Variants in STOML3 observed in about 807,000 individuals in gnomAD.
STOML3 encodes the protein stomatin-like protein 3.
A neutral mutation model predicts 29.5 loss-of-function variants in STOML3; 31 were observed. The ratio of observed to expected loss-of-function variants is 1.05; its 90% CI spans 0.79 to 1.42. STOML3 has a LOEUF of 1.42. Ranked by LOEUF, STOML3 falls within the 40% of genes most tolerant of loss-of-function variation. STOML3 has a pLI of 0.00. For synonymous variants in STOML3, 122 were observed against 139.8 expected, an observed-to-expected ratio of 0.87 and a Z score of 0.90; for missense variants, 380 against 363.0, an observed-to-expected ratio of 1.05 and a Z score of -0.38.
intron 1 of STOML3, among the ~76,000 whole-genome samples, chr13:38,985,378 G>A (rs1272362057): frequency 3.3e-5 from 5 of 152,036 alleles, no homozygotes; most frequent in Admixed American, 3.3e-4. Context: ...AGCCGAGATC[G>A]CGCTACTGCA....
At chr13:38,990,009 T>A (rs1411555000) in intron 1 of STOML3, among the ~76,000 whole-genome samples, 2 of 152,124 alleles carry the variant, frequency 1.3e-5, no homozygotes, top group Non-Finnish European at 2.9e-5. Context: ...TTTTCTCATT[T>A]GTAAAATGAG....
At chr13:38,976,321 G>C (rs1322308338) in intron 3 of STOML3, among the ~76,000 whole-genome samples, 1 of 152,172 alleles carries the variant, frequency 6.6e-6, no homozygotes, top group Non-Finnish European at 1.5e-5. Flanking sequence ...GGGAGACTTA[G>C]GAGGCCGGGC....
At chr13:38,978,197 A>G (rs1159905807) in intron 1 of STOML3, among the ~76,000 whole-genome samples, 1 of 152,034 alleles carries the variant, frequency 6.6e-6, no homozygotes, top group Non-Finnish European at 1.5e-5. Flanking sequence ...TCTGTCGCCC[A>G]GGCTGGAGTG....
intron 4 of STOML3, among the ~76,000 whole-genome samples, chr13:38,971,131 C>A (rs989494037): frequency 6.6e-6 from 1 of 152,110 alleles, no homozygotes; most frequent in African/African-American, 2.4e-5. Flanking sequence ...CTCCCAGGTG[C>A]AAGTGACTCT....
At chr13:38,976,006 G>C (rs1045204933) in intron 3 of STOML3, among the ~76,000 whole-genome samples, 1 of 152,048 alleles carries the variant, frequency 6.6e-6, no homozygotes. Context: ...TTGGCCTCAT[G>C]TTCTTTGTTT....
In STOML3 at chr13:38,970,404, A is replaced by G. The variant is rs1880820475; in HGVS notation, c.313-16T>C. 6.2e-7 allele frequency: 1 copy of G among 1,608,118 alleles called. No individual in the cohort carries two copies. Among genetic ancestry groups the G allele is most frequent in the African/African-American group, 1.3e-5 (1 of 74,864 alleles). ...TGGTGAGGATCTGTGGAGTAAGAAC[A>G]GGGCAAAATCACTTATTTATGACTT... On this transcript the variant is annotated splice_polypyrimidine_tract_variant and intron_variant, in intron 4 of 6. Transcript: ENST00000379631.
At chr13:38,971,763 A>G (rs1015477963) in intron 4 of STOML3, among the ~76,000 whole-genome samples, 3 of 152,214 alleles carry the variant, frequency 2.0e-5, no homozygotes, top group East Asian at 3.9e-4. Flanking sequence ...TGTCTCCACT[A>G]AAAATACAAA....
intron 1 of STOML3, among the ~76,000 whole-genome samples, chr13:38,987,882 TTATATAATATATTATGTTA>T (rs1367385196): frequency 1.5e-5 from 1 of 65,224 alleles, no homozygotes; most frequent in Non-Finnish European, 2.3e-5. Context: ...ATATTATATT[TTATATAATATATTATGTTA>T]TATATAATAT....
chr13:38,985,907 C>CTTTTTTTTTTTTTTTTTT (rs1868500200), intron 1 of STOML3, among the ~76,000 whole-genome samples: 1 of 23,666 alleles, frequency 4.2e-5, no homozygotes, highest in African/African-American at 1.4e-4. Context: ...TTTTTCTTTT[C>CTTTTTTTTTTTTTTTTTT]TTTCTTTTTT....
chr13:38,976,570 G>T lies in STOML3; in HGVS notation c.199C>A (p.Arg67Ser), dbSNP rs139159531. 2 of 1,614,018 alleles carry T rather than the reference G, an allele frequency of 1.2e-6. No homozygotes were observed. Among genetic ancestry groups the T allele is most frequent in the African/African-American group, 2.7e-5 (2 of 74,900 alleles). ...YERAVVFRLG[R>S]IQADKAKGPG... ...CCCTTGGCTTTGTCAGCTTGGATGCGTCCCAGACGGAATACAACAGCACGT... is the reference window on the plus strand; with the variant it reads ...CCCTTGGCTTTGTCAGCTTGGATGCTTCCCAGACGGAATACAACAGCACGT... Residue 67 changes from arginine to serine, a missense_variant, in exon 3 of 7, where the codon CGC becomes AGC. Physicochemically the swap from Arg to Ser is moderately radical, Grantham distance 110. Transcript: ENST00000379631.
At chr13:38,977,365 G>A (rs186287787) in intron 1 of STOML3, among the ~76,000 whole-genome samples, 136 of 152,330 alleles carry the variant, frequency 8.9e-4, no homozygotes, top group African/African-American at 2.9e-3. Context: ...TTCTTCATCT[G>A]TAGAATGGGG....
In STOML3 at chr13:38,968,430, C is replaced by T. The variant is rs1366752631; in HGVS notation, c.621G>A (p.Glu207=). The T allele has an allele frequency of 6.2e-7, 1 of 1,614,152 alleles. No individual in the cohort carries two copies. Among genetic ancestry groups the T allele is most frequent in the South Asian group, 1.1e-5 (1 of 91,084 alleles). ...PVQLQRSMAA[E]AEATREARAK... ...CTCTCGCTTCCCGGGTGGCCTCAGC[C>T]TCGGCTGCCATGGATCTCTGCAACT... Residue 207 remains glutamate, a synonymous_variant, in exon 6 of 7, where the codon GAG becomes GAA. Coordinates refer to ENST00000379631, the MANE Select transcript of STOML3 (RefSeq NM_145286.3).
chr13:38,968,120 A>G (rs549254051), intron 6 of STOML3, among the ~76,000 whole-genome samples: 11 of 152,270 alleles, frequency 7.2e-5, no homozygotes, highest in Admixed American at 7.2e-4. Flanking sequence ...AATTCTCCCC[A>G]GGGAACACTG....
intron 1 of STOML3, among the ~76,000 whole-genome samples, chr13:38,989,627 C>T (rs1868916384): frequency 6.6e-6 from 1 of 151,938 alleles, no homozygotes; most frequent in African/African-American, 2.4e-5. Context: ...CTCAACCTCC[C>T]ACTTAGCCAC....
At chr13:38,973,096 TAAAAAAAAAAAAAAAAAA>T (rs71074495) in intron 3 of STOML3, among the ~76,000 whole-genome samples, 42 of 32,574 alleles carry the variant, frequency 1.3e-3, no homozygotes, top group African/African-American at 1.4e-3. Flanking sequence ...CCGTCTCTAC[TAAAAAAAAAAAAAAAAAA>T]AAAAAAAAAA....
Position 38,970,187 on chromosome 13 carries a change from G to A in STOML3, c.514C>T (p.Gln172Ter). The part of the protein sequence containing the change: ...AGREEIAHSI[Q>*]TLLDDATELW... ...CTATTAGTTCATGGTGTCTTTACCT[G>A]GATGCTATGGGCGATCTCTTCTCGT... Residue 172 changes from glutamine to a stop codon, truncating the protein, a stop_gained and splice_region_variant, in exon 5 of 7, where the codon CAG becomes TAG. Coordinates refer to ENST00000379631, the MANE Select transcript of STOML3 (RefSeq NM_145286.3). LOFTEE classifies it high-confidence loss of function. The A allele has an allele frequency of 1.9e-6, 3 of 1,611,692 alleles. No homozygotes were observed. The highest frequency in any genetic ancestry group is 1.7e-6 in the Non-Finnish European group (2 of 1,178,428).
chr13:38,988,827 T>C (rs1420957398), intron 1 of STOML3, among the ~76,000 whole-genome samples: 3 of 142,880 alleles, frequency 2.1e-5, no homozygotes, highest in South Asian at 4.2e-4. Flanking sequence ...TATATAATTA[T>C]ATATACTATA....
intron 1 of STOML3, among the ~76,000 whole-genome samples, chr13:38,982,432 A>G (rs1009300907): frequency 3.3e-5 from 5 of 151,960 alleles, no homozygotes; most frequent in African/African-American, 7.3e-5. Context: ...CAGTTTCACA[A>G]CCCAGGACTA....
intron 1 of STOML3, among the ~76,000 whole-genome samples, chr13:38,983,568 G>A (rs1444218635): frequency 6.6e-6 from 1 of 152,144 alleles, no homozygotes; most frequent in Non-Finnish European, 1.5e-5. Context: ...GGCTTCTACT[G>A]GCTAATCTGG....
Sources: allele counts gnomAD v4.1 joint callset (sites outside exome capture counted in the v4.1 genomes callset), GRCh38; gene constraint gnomAD v4.1.1; transcripts MANE v1.5; gene names NCBI Gene and HGNC (gene_info 2026-07-23, HGNC 2026-07-21).